The following MTUS2 variants were observed in gnomAD, a reference collection of about 807,000 sequenced individuals.
MTUS2 encodes microtubule-associated tumor suppressor candidate 2.
In MTUS2, 40 loss-of-function variants were observed where a neutral mutation model predicts 114.1. The ratio of observed to expected loss-of-function variants is 0.35; its 90% CI spans 0.27 to 0.46. The LOEUF is 0.46. Ranked by LOEUF, MTUS2 falls within the 20% of genes least tolerant of loss-of-function variation. MTUS2 has a pLI of 1.00. For synonymous variants in MTUS2, 688 were observed against 672.0 expected (o/e 1.02, Z -0.37); for missense variants, 1,679 against 1,705.4 (o/e 0.98, Z 0.27).
chr13:28,838,692 C>A (rs951517124), intron 1 of MTUS2, among the ~76,000 whole-genome samples: 4 of 152,130 alleles, frequency 2.6e-5, no homozygotes, highest in Non-Finnish European at 4.4e-5. Context: ...TGTCTTCCAG[C>A]CCTCAGCTTT....
At chr13:29,317,288 C>T (rs1057467249) in intron 6 of MTUS2, among the ~76,000 whole-genome samples, 1 of 152,172 alleles carries the variant, frequency 6.6e-6, no homozygotes, top group African/African-American at 2.4e-5. Flanking sequence ...CAGATTGTTT[C>T]TCCTATTAAC....
chr13:28,848,103 G>GATATAT (rs149499694), intron 2 of MTUS2, among the ~76,000 whole-genome samples: 1 of 150,046 alleles, frequency 6.7e-6, no homozygotes, highest in African/African-American at 2.4e-5. Flanking sequence ...CTAGTTCAGG[G>GATATAT]ATATATATAT....
chr13:28,990,197 G>A (rs554735104), intron 2 of MTUS2, among the ~76,000 whole-genome samples: 6 of 152,338 alleles, frequency 3.9e-5, no homozygotes, highest in African/African-American at 1.4e-4. Context: ...TTGGAGGCCT[G>A]GGACTTCGGA....
chr13:28,939,580 C>G (rs1882109517), intron 2 of MTUS2, among the ~76,000 whole-genome samples: 1 of 151,976 alleles, frequency 6.6e-6, no homozygotes, highest in African/African-American at 2.4e-5. Context: ...GCTTTATGCT[C>G]CAAAATAATT....
intron 5 of MTUS2, among the ~76,000 whole-genome samples, chr13:29,133,902 C>G (rs778473979): frequency 5.9e-5 from 9 of 152,124 alleles, no homozygotes; most frequent in Non-Finnish European, 1.0e-4. Context: ...CTGCTCTACC[C>G]TTTACTGTTT....
intron 9 of MTUS2, among the ~76,000 whole-genome samples, chr13:29,462,617 G>T (rs1466046425): frequency 6.6e-6 from 1 of 152,136 alleles, no homozygotes; most frequent in Admixed American, 6.5e-5. Flanking sequence ...GGGAGATAGG[G>T]AATTTGAGGC....
intron 2 of MTUS2, among the ~76,000 whole-genome samples, chr13:28,919,359 GT>G (rs945897772): frequency 6.6e-6 from 1 of 151,900 alleles, no homozygotes; most frequent in East Asian, 1.9e-4. Context: ...TAGGGTAAAA[GT>G]TTTTTTTCCC....
chr13:29,453,153 G>A (rs1878851937), intron 9 of MTUS2, among the ~76,000 whole-genome samples: 1 of 152,176 alleles, frequency 6.6e-6, no homozygotes, highest in Admixed American at 6.5e-5. Context: ...CTAAATTGGT[G>A]TCTGAGAGAA....
At chr13:29,281,311 TAAAAG>T (rs1298770844) in intron 5 of MTUS2, among the ~76,000 whole-genome samples, 1 of 152,118 alleles carries the variant, frequency 6.6e-6, no homozygotes, top group African/African-American at 2.4e-5. Flanking sequence ...ATTTCAAAAA[TAAAAG>T]GCTCTTCATT....
At chr13:29,007,799 C>T (rs941506038) in intron 2 of MTUS2, among the ~76,000 whole-genome samples, 10 of 152,290 alleles carry the variant, frequency 6.6e-5, no homozygotes, top group East Asian at 1.9e-4. Flanking sequence ...AACGCACATA[C>T]AAAATATATG....
At chr13:29,174,730 C>T (rs1236847901) in intron 5 of MTUS2, among the ~76,000 whole-genome samples, 4 of 152,134 alleles carry the variant, frequency 2.6e-5, no homozygotes, top group African/African-American at 4.8e-5. Context: ...TTCCCCTCTG[C>T]GTAGTATTAT....
chr13:29,464,527 G>A (rs1026910108), intron 9 of MTUS2, among the ~76,000 whole-genome samples: 31 of 152,314 alleles, frequency 2.0e-4, no homozygotes, highest in African/African-American at 3.8e-4. Context: ...AAGGCTGTTG[G>A]TATTTCACAC....
intron 5 of MTUS2, among the ~76,000 whole-genome samples, chr13:29,138,474 ATTATAT>A (rs1446601209): frequency 1.4e-5 from 2 of 148,112 alleles, no homozygotes; most frequent in African/African-American, 4.9e-5. Flanking sequence ...ATGTATATAA[ATTATAT>A]TTATATATTT....
intron 5 of MTUS2, among the ~76,000 whole-genome samples, chr13:29,107,548 T>C (rs1731342430): frequency 6.6e-6 from 1 of 152,196 alleles, no homozygotes; most frequent in African/African-American, 2.4e-5. Context: ...GTTATTTTTA[T>C]TGACTGTGGT....
chr13:29,427,864 C>T (rs1392478967), intron 8 of MTUS2, among the ~76,000 whole-genome samples: 2 of 152,290 alleles, frequency 1.3e-5, no homozygotes, highest in Middle Eastern at 6.8e-3. Context: ...TAAATATTTG[C>T]TTCTTTTACT....
chr13:28,825,653 C>T (rs975529585), intron 1 of MTUS2, among the ~76,000 whole-genome samples: 2 of 152,192 alleles, frequency 1.3e-5, no homozygotes, highest in Admixed American at 6.5e-5. Context: ...TGGGGAGCAG[C>T]AGCCAGGGCC....
chr13:29,225,330 T>C (rs1456508926), intron 5 of MTUS2, among the ~76,000 whole-genome samples: 1 of 152,240 alleles, frequency 6.6e-6, no homozygotes, highest in Non-Finnish European at 1.5e-5. Context: ...TACATCATAG[T>C]GTGATCATAT....
chr13:28,949,162 C>T (rs1248330600), intron 2 of MTUS2, among the ~76,000 whole-genome samples: 2 of 152,148 alleles, frequency 1.3e-5, no homozygotes, highest in Non-Finnish European at 2.9e-5. Flanking sequence ...GGGAGGCTGA[C>T]CCTCCTTAGG....
chr13:29,061,489 T>C (rs1888416430), intron 4 of MTUS2, among the ~76,000 whole-genome samples: 1 of 152,220 alleles, frequency 6.6e-6, no homozygotes, highest in African/African-American at 2.4e-5. Context: ...TGCAGATTGA[T>C]ATTCATCCAA....
Sources: allele counts gnomAD v4.1 joint callset (sites outside exome capture counted in the v4.1 genomes callset), GRCh38; gene constraint gnomAD v4.1.1; transcripts MANE v1.5; gene names NCBI Gene and HGNC (gene_info 2026-07-23, HGNC 2026-07-21).